The following CSGALNACT1 variants were observed in gnomAD, a reference collection of about 807,000 sequenced individuals.
CSGALNACT1 encodes beta4GalNAcT-1.
Under a neutral mutation model 51.0 loss-of-function variants are expected in CSGALNACT1, and 52 were observed. The observed-to-expected ratio is 1.02, with a 90% CI of 0.82 to 1.29. The LOEUF (loss-of-function observed/expected upper bound fraction) is 1.29, where lower values mean the gene tolerates loss of function less well. Ranked by LOEUF, CSGALNACT1 falls within the 50% of genes most tolerant of loss-of-function variation. CSGALNACT1 has a pLI of 0.00. For synonymous variants in CSGALNACT1, 341 were observed against 254.4 expected (o/e 1.34, Z -3.24); for missense variants, 935 against 679.2 (o/e 1.38, Z -4.19).
intron 1 of CSGALNACT1, among the ~76,000 whole-genome samples, chr8:19,630,949 C>T (rs890265749): frequency 2.6e-5 from 4 of 152,078 alleles, no homozygotes; most frequent in Admixed American, 6.6e-5. Flanking sequence ...TTACAACTGA[C>T]GAGCCAATAT....
intron 1 of CSGALNACT1, among the ~76,000 whole-genome samples, chr8:19,639,549 A>G (rs1168200333): frequency 6.6e-6 from 1 of 152,220 alleles, no homozygotes; most frequent in Non-Finnish European, 1.5e-5. Flanking sequence ...GTCAGGGCAC[A>G]TAGTTCCATA....
In CSGALNACT1 at chr8:19,701,152, C is replaced by CGTTTTTT. The variant is rs1554812709; in HGVS notation, c.-297+56691_-297+56697dup. Among the ~76,000 whole-genome samples, 103 of 54,320 alleles carry CGTTTTTT rather than the reference C, an allele frequency of 1.9e-3. 2 individuals carry two copies. The highest frequency in any genetic ancestry group is 5.9e-3 in the African/African-American group (100 of 17,062). 35.6% of individuals were successfully genotyped at this position (54,320 alleles called of 152,430 possible). A position where few individuals can be genotyped will look rare whatever the true frequency, so the allele number is the denominator to read the frequency against. On this transcript the variant is annotated intron_variant, in intron 1 of 1. Coordinates refer to the CSGALNACT1 transcript ENST00000517494. ...AGAAAATTTCAGTTCATCTATTATCCGTTTTTTTTTTTTTTTTTTTTGATA... is the reference window on the plus strand; with the variant it reads ...AGAAAATTTCAGTTCATCTATTATCCGTTTTTTGTTTTTTTTTTTTTTTTTTTTGATA...
chr8:19,420,610 G>C, intron 6 of CSGALNACT1, 92 bp from the exon 6 acceptor site: 1 of 1,359,430 alleles, frequency 7.4e-7, no homozygotes, highest in Non-Finnish European at 1.1e-6. Context: ...TCCACATCTT[G>C]ACCCATTTCT....
intron 4 of CSGALNACT1, among the ~76,000 whole-genome samples, chr8:19,459,776 C>T (rs1038787790): frequency 6.6e-6 from 1 of 152,152 alleles, no homozygotes; most frequent in Non-Finnish European, 1.5e-5. Context: ...TAGAACAGTA[C>T]AAGGCATGCA....
rs2061415453 is a variant in CSGALNACT1 at position 19,442,121 on chromosome 8, G to A, written c.852-2190C>T. On this transcript the variant is annotated intron_variant, in intron 5 of 9. Coordinates refer to ENST00000454498, the Ensembl canonical transcript of CSGALNACT1. ...AGGAACACTTTTTACACTGTTGGTG[G>A]GAATGTAAACTAGTTCAACCATTGT... 4.6e-5 allele frequency among the ~76,000 whole-genome samples: 7 copies of A among 152,158 alleles called. No homozygotes were observed. The South Asian group carries it at 1.4e-3, about 31-fold the overall frequency.
rs35759799 is a variant in CSGALNACT1, at chr8:19,507,528, GAA to G, written c.-296-1400_-296-1399del. Among the ~76,000 whole-genome samples the G allele has an allele frequency of 4.1e-3, 307 of 74,854 alleles. 1 individual carries two copies. Among genetic ancestry groups the G allele is most frequent in the African/African-American group, 0.011 (200 of 17,976 alleles). The allele number at this position is 74,854 out of a possible 152,430, so 49.1% of individuals were successfully genotyped here. ...TGTCTTCCCCTACCCATCTTAGCCA[GAA>G]AAAAAAAAAAAAAAAAAAAAAAGAA... On this transcript the variant is annotated intron_variant, in intron 3 of 9. Coordinates refer to ENST00000454498, the Ensembl canonical transcript of CSGALNACT1.
intron 6 of CSGALNACT1, among the ~76,000 whole-genome samples, chr8:19,438,623 G>A (rs2060784701): frequency 6.6e-6 from 1 of 152,194 alleles, no homozygotes; most frequent in Non-Finnish European, 1.5e-5. Flanking sequence ...TTTAGGCTTT[G>A]TGAGTCACAC....
chr8:19,494,893 CG>C (rs2075165905), intron 4 of CSGALNACT1: 1 of 58,024 alleles, frequency 1.7e-5, no homozygotes, highest in Non-Finnish European at 3.4e-5. Context: ...GGGCGGGGGG[CG>C]GGGGGCAGGA....
At chr8:19,737,320 C>T (rs1479074986) in intron 1 of CSGALNACT1, among the ~76,000 whole-genome samples, 1 of 151,948 alleles carries the variant, frequency 6.6e-6, no homozygotes, top group Non-Finnish European at 1.5e-5. Context: ...AAAAAAAATA[C>T]ATAAATGGGG....
chr8:19,549,016 T>C (rs2087221910), intron 3 of CSGALNACT1, among the ~76,000 whole-genome samples: 1 of 152,064 alleles, frequency 6.6e-6, no homozygotes, highest in Non-Finnish European at 1.5e-5. Context: ...AGTGTCTCAC[T>C]ATGTTGCCCA....
chr8:19,495,431 G>A (rs565426735), intron 4 of CSGALNACT1, among the ~76,000 whole-genome samples: 58 of 152,280 alleles, frequency 3.8e-4, no homozygotes, highest in African/African-American at 1.2e-3. Flanking sequence ...CCTGCAGTAT[G>A]GCATTTATAG....
intron 3 of CSGALNACT1, among the ~76,000 whole-genome samples, chr8:19,539,041 T>C (rs141076411): frequency 1.5e-4 from 23 of 152,334 alleles, no homozygotes; most frequent in African/African-American, 5.3e-4. Context: ...AGACACTCTG[T>C]ATCACATTTT....
At chr8:19,556,255 A>C (rs2039397098) in intron 3 of CSGALNACT1, among the ~76,000 whole-genome samples, 1 of 152,024 alleles carries the variant, frequency 6.6e-6, no homozygotes. Flanking sequence ...GTATGCCTGT[A>C]ATCCCAGCTA....
chr8:19,577,187 G>A (rs12334858), intron 3 of CSGALNACT1, among the ~76,000 whole-genome samples: 47,574 of 151,908 alleles, frequency 0.31, 9,348 homozygotes, highest in African/African-American at 0.56. Context: ...TGAGAGTTGT[G>A]CTTGGCCTTG....
chr8:19,455,893 A>G (rs4486225), intron 5 of CSGALNACT1, among the ~76,000 whole-genome samples: 81,121 of 152,028 alleles, frequency 0.53, 22,011 homozygotes, highest in East Asian at 0.85. Context: ...CCTTGGTAGC[A>G]TGTCTAGCAC....
chr8:19,411,720 T>C (rs10107348), intron 8 of CSGALNACT1, among the ~76,000 whole-genome samples: 12,154 of 152,276 alleles, frequency 0.08, 591 homozygotes, highest in South Asian at 0.16. Flanking sequence ...GCACCAATGA[T>C]GTCTGCTACA....
chr8:19,463,636 G>GC (rs2066038365), intron 4 of CSGALNACT1, among the ~76,000 whole-genome samples: 1 of 152,158 alleles, frequency 6.6e-6, no homozygotes, highest in African/African-American at 2.4e-5. Context: ...GTCATCTTGT[G>GC]CAGAACAGCA....
Position 19,612,944 on chromosome 8 carries a change from T to TG in CSGALNACT1, c.-543-11080dup, listed in dbSNP as rs1438618010. Among the ~76,000 whole-genome samples the TG allele has an allele frequency of 9.2e-3, 233 of 25,276 alleles. 13 individuals are homozygous for TG. The highest frequency in any genetic ancestry group is 0.046 in the African/African-American group (211 of 4,586). 16.6% of individuals were successfully genotyped at this position (25,276 alleles called of 152,430 possible). ...CACAAAAGAAGAGAGGAAAAGCAGC[T>TG]GGAAAAAAAAAAAAAAAAAAAAAAA... On this transcript the variant is annotated intron_variant, in intron 1 of 9. Coordinates refer to the CSGALNACT1 transcript ENST00000332246.
At chr8:19,429,539 T>C (rs1395008560) in intron 6 of CSGALNACT1, among the ~76,000 whole-genome samples, 4 of 152,242 alleles carry the variant, frequency 2.6e-5, no homozygotes, top group Admixed American at 6.5e-5. Flanking sequence ...GTTCATCCCA[T>C]TGCAGCATAC....
Sources: gnomAD v4.1 joint callset for allele counts (sites outside exome capture counted in the v4.1 genomes callset) on GRCh38, gnomAD v4.1.1 for gene constraint, MANE v1.5 for transcripts, NCBI Gene and HGNC (gene_info 2026-07-23, HGNC 2026-07-21) for gene names.